CDH15: variants seen among roughly 807,000 people sequenced by gnomAD.
CDH15 encodes cadherin-15.
A neutral mutation model predicts 69.4 loss-of-function variants in CDH15; 73 were observed. The ratio of observed to expected loss-of-function variants is 1.05; its 90% confidence interval spans 0.87 to 1.28. The LOEUF (loss-of-function observed/expected upper bound fraction) is 1.28. Among genes scored for constraint, CDH15 ranks in the 50% most tolerant of loss-of-function variants. The pLI is 0.00. For synonymous variants in CDH15, 624 were observed against 507.7 expected (o/e 1.23, Z -3.08); for missense variants, 1,343 against 1,133.6 (o/e 1.18, Z -2.65).
intron 7 of CDH15, among the ~76,000 whole-genome samples, chr16:89,189,095 C>T (rs1483663237): frequency 1.5e-5 from 2 of 136,070 alleles, no homozygotes; most frequent in Non-Finnish European, 3.1e-5. Flanking sequence ...ACACAGATGC[C>T]CACACACAGA....
chr16:89,177,474 C>A (rs1915281290), intron 1 of CDH15, among the ~76,000 whole-genome samples: 1 of 152,114 alleles, frequency 6.6e-6, no homozygotes. Flanking sequence ...GGGAGGGGGC[C>A]TCCAGGGAGG....
At chr16:89,190,862 C>G (rs531192842) in intron 8 of CDH15, among the ~76,000 whole-genome samples, 1 of 152,272 alleles carries the variant, frequency 6.6e-6, no homozygotes, top group African/African-American at 2.4e-5. Flanking sequence ...CCAACTGAGG[C>G]TTAACTAGGT....
At chr16:89,179,672 C>A (rs1434026425) in intron 2 of CDH15, 98 bp downstream of exon 2, 7 of 1,272,396 alleles carry the variant, frequency 5.5e-6, no homozygotes, top group Non-Finnish European at 7.6e-6. Flanking sequence ...CAGCGGGGCC[C>A]CATTTCAGGA....
At position 89,184,160 on chromosome 16, in the gene CDH15, G is replaced by A. The variant is rs139208045; in HGVS notation, c.502+468G>A. ...AAGGCACAGGCCCCCTCGTGTCTGA[G>A]GCTACCAAGGACTGTGGCCAGGCCT... On this transcript the variant is annotated intron_variant, in intron 4 of 13. Coordinates refer to ENST00000289746, the MANE Select transcript of CDH15 (RefSeq NM_004933.3). Among the ~76,000 whole-genome samples the A allele has an allele frequency of 3.8e-3, 573 of 152,318 alleles. 4 individuals carry two copies. Among genetic ancestry groups the A allele is most frequent in the African/African-American group, 0.013 (531 of 41,562 alleles).
At chr16:89,178,479 A>G (rs552606398) in intron 1 of CDH15, among the ~76,000 whole-genome samples, 30 of 152,244 alleles carry the variant, frequency 2.0e-4, no homozygotes, top group African/African-American at 7.0e-4. Context: ...TGGGAGAAGA[A>G]GAGTGAGGCT....
At position 89,180,299 on chromosome 16, in the gene CDH15, A is replaced by AC; in HGVS notation, c.302dup (p.Gly102ArgfsTer15). The AC allele has an allele frequency of 6.2e-7, 1 of 1,612,366 alleles. No homozygotes were observed. The highest frequency in any genetic ancestry group is 1.3e-5 in the African/African-American group (1 of 75,004). On this transcript the variant is annotated frameshift_variant, in exon 3 of 14. Transcript: ENST00000289746. LOFTEE classifies it high-confidence loss of function. ...GGGCGTCTTCTCTATCGACAAGTTC[A>AC]CAGGGAAGGTCTTCCTCAATGCCAT...
intron 1 of CDH15, among the ~76,000 whole-genome samples, chr16:89,174,375 A>G (rs729201): frequency 0.047 from 7,094 of 152,016 alleles, 298 homozygotes; most frequent in East Asian, 0.18. Flanking sequence ...ACACGCCACC[A>G]AGCGTGTTCC....
intron 5 of CDH15, chr16:89,185,894 C>G (rs1046370123): frequency 5.1e-6 from 1 of 195,584 alleles, no homozygotes; most frequent in Non-Finnish European, 1.1e-5. Flanking sequence ...TCTGTAAACA[C>G]CCAGCGCACA....
chr16:89,178,425 G>A (rs1416981509), intron 1 of CDH15, among the ~76,000 whole-genome samples: 1 of 152,202 alleles, frequency 6.6e-6, no homozygotes, highest in Non-Finnish European at 1.5e-5. Flanking sequence ...AGCAGCTGAA[G>A]TATTGGGGTG....
At position 89,192,426 on chromosome 16, in the gene CDH15, A is replaced by G; in HGVS notation, c.1837A>G (p.Ser613Gly). 3 of 1,553,138 alleles carry G rather than the reference A, an allele frequency of 1.9e-6. No individual in the cohort carries two copies. The highest frequency in any genetic ancestry group is 1.7e-6 in the Non-Finnish European group (2 of 1,156,758). Reference sequence around the variant, plus strand: ...GGGCGCACTGGTCATCGTGCTGGCCAGCGCCCTCCTGCTGCTGGGTGAGTG... The same window carrying G: ...GGGCGCACTGGTCATCGTGCTGGCCGGCGCCCTCCTGCTGCTGGGTGAGTG... ...SLGALVIVLA[S>G]ALLLLVLVLL... Residue 613 changes from serine to glycine, a missense_variant, in exon 11 of 14, where the codon AGC becomes GGC. By Grantham distance (56) the Ser-to-Gly change is moderately conservative (BLOSUM62 0). Transcript: ENST00000289746.
At position 89,182,009 on chromosome 16, in the gene CDH15, A is replaced by G. The variant is rs545971063; in HGVS notation, c.358-1539A>G. Among the ~76,000 whole-genome samples the G allele has an allele frequency of 3.8e-4, 58 of 151,570 alleles. 1 individual carries two copies. In the East Asian group the frequency reaches 7.6e-3, roughly 20 times the overall value. ...GGAGAAGAAGAAAGAAGAAGAAGAA[A>G]AAAAAGGGCAGTGGGAGCAAGCCCT... On this transcript the variant is annotated intron_variant, in intron 3 of 13. Transcript: ENST00000289746.
At chr16:89,176,505 G>A (rs1235834789) in intron 1 of CDH15, among the ~76,000 whole-genome samples, 3 of 152,188 alleles carry the variant, frequency 2.0e-5, no homozygotes, top group East Asian at 3.9e-4. Context: ...GGCCTCCCAC[G>A]CAGGGTCCCG....
In CDH15 at chr16:89,188,299, G is replaced by A. The variant is rs375599424; in HGVS notation, c.978+14G>A. The A allele has an allele frequency of 2.5e-4, 400 of 1,610,930 alleles. 3 individuals carry two copies. The African/African-American group carries it at 4.5e-3, about 18-fold the overall frequency. On this transcript the variant is annotated intron_variant, in intron 7 of 13. Coordinates refer to ENST00000289746, the MANE Select transcript of CDH15 (RefSeq NM_004933.3). ...TCCATTGTGAAGGTGAGCGGCCCCC[G>A]GCTGGCACACAGATGCCGGCAGACG...
chr16:89,193,809 G>A lies in CDH15; in HGVS notation c.2047G>A (p.Gly683Arg). The change falls in exon 13 of 14, where the codon GGA (glycine) becomes AGA (arginine). Residue 683 changes from glycine to arginine, a missense_variant. Coordinates refer to ENST00000289746, the MANE Select transcript of CDH15 (RefSeq NM_004933.3). ...CCCGACAGCGCTGAGCCTGCCTCTG[G>A]GACCGCCGCCACTTCGCAGAGATGC... Reference protein sequence around the residue: ...RHPTALSLPLGPPPLRRDAPQ... With the variant: ...RHPTALSLPLRPPPLRRDAPQ... The A allele has an allele frequency of 6.2e-7, 1 of 1,608,746 alleles. No individual in the cohort carries two copies. The highest frequency in any genetic ancestry group is 1.1e-5 in the South Asian group (1 of 90,972).
chr16:89,192,937 A>C (rs1360044517), intron 11 of CDH15, among the ~76,000 whole-genome samples: 1 of 53,604 alleles, frequency 1.9e-5, no homozygotes, highest in East Asian at 4.4e-4. Flanking sequence ...CTTCCTCCCC[A>C]GTTCCACCTC....
chr16:89,186,798 T>C (rs1260450460), intron 5 of CDH15, among the ~76,000 whole-genome samples: 14 of 112,948 alleles, frequency 1.2e-4, no homozygotes, highest in East Asian at 3.0e-4. Context: ...TGTAAACGCT[T>C]ACCCAGCGCA....
chr16:89,191,800 T>A lies in CDH15; in HGVS notation c.1521T>A (p.Asp507Glu). Reference protein sequence around the residue: ...QGPGLLLGATDEDLPPHGAPF... With the variant: ...QGPGLLLGATEEDLPPHGAPF... ...CAGGCCTCCTCCTGGGCGCCACGGATGAGGACCTGCCCCCCCACGGGGCCC... is the reference window on the plus strand; with the variant it reads ...CAGGCCTCCTCCTGGGCGCCACGGAAGAGGACCTGCCCCCCCACGGGGCCC... The change falls in exon 10 of 14, where the codon GAT becomes GAA. Residue 507 changes from aspartate (D) to glutamate (E), a missense_variant. Coordinates refer to ENST00000289746, the MANE Select transcript of CDH15 (RefSeq NM_004933.3). 6.2e-7 allele frequency: 1 copy of A among 1,605,766 alleles called. No individual in the cohort carries two copies. The highest frequency in any genetic ancestry group is 8.5e-7 in the Non-Finnish European group (1 of 1,179,422).
At chr16:89,175,854 C>A (rs145790298) in intron 1 of CDH15, among the ~76,000 whole-genome samples, 7 of 152,372 alleles carry the variant, frequency 4.6e-5, no homozygotes, top group African/African-American at 1.4e-4. Context: ...ACTCTCTGGA[C>A]TCCCAGGAGG....
In CDH15 at chr16:89,181,735, C is replaced by T. The variant is rs572178262; in HGVS notation, c.357+1380C>T. ...CAGGCAGATCATGAGGTCAAGAGAT[C>T]GAGACCATCCTGGCTAACATGGTGA... is the stretch of plus-strand genomic sequence containing the variant. On this transcript the variant is annotated intron_variant, in intron 3 of 13. Transcript: ENST00000289746. Among the ~76,000 whole-genome samples the T allele has an allele frequency of 3.3e-4, 50 of 152,018 alleles. 1 individual carries two copies. Among genetic ancestry groups the T allele is most frequent in the African/African-American group, 1.2e-3 (48 of 41,500 alleles).
Sources: allele counts gnomAD v4.1 joint callset (sites outside exome capture counted in the v4.1 genomes callset), GRCh38; gene constraint gnomAD v4.1.1; transcripts MANE v1.5; gene names NCBI Gene and HGNC (gene_info 2026-07-23, HGNC 2026-07-21).